RNF182: variants seen among roughly 807,000 people sequenced by gnomAD.
RNF182 encodes ring finger protein 182.
In RNF182, 15 loss-of-function variants were observed where a neutral mutation model predicts 14.4. The ratio of observed to expected loss-of-function variants is 1.04; its 90% CI spans 0.70 to 1.60. The LOEUF (loss-of-function observed/expected upper bound fraction) is 1.60. RNF182 is among the 40% of genes most tolerant of loss of function. RNF182 has a pLI of 0.00. For missense variants in RNF182, 268 were observed against 294.8 expected (o/e 0.91, Z 0.67); for synonymous variants, 128 against 122.9 (o/e 1.04, Z -0.27).
intron 1 of RNF182, among the ~76,000 whole-genome samples, chr6:13,927,934 C>T (rs1397741115): frequency 6.6e-6 from 1 of 152,148 alleles, no homozygotes; most frequent in Non-Finnish European, 1.5e-5. Flanking sequence ...AGACAAAATG[C>T]TGTAAATATC....
At chr6:13,976,150 C>A (rs1760315805) in intron 2 of RNF182, among the ~76,000 whole-genome samples, 1 of 152,186 alleles carries the variant, frequency 6.6e-6, no homozygotes, top group Non-Finnish European at 1.5e-5. Context: ...TTCTTCATGT[C>A]TAGAGACATA....
At chr6:13,940,881 A>T (rs1281904248) in intron 1 of RNF182, among the ~76,000 whole-genome samples, 1 of 152,114 alleles carries the variant, frequency 6.6e-6, no homozygotes, top group African/African-American at 2.4e-5. Flanking sequence ...AGGATATTCT[A>T]AAAATCTTTT....
intron 1 of RNF182, chr6:13,949,234 T>A (rs1376930868): frequency 1.3e-6 from 1 of 792,394 alleles, no homozygotes; most frequent in African/African-American, 1.7e-5. Context: ...CTGGACGTTT[T>A]AGTCATATTC....
chr6:13,947,211 TC>T (rs1759459353), intron 1 of RNF182, among the ~76,000 whole-genome samples: 1 of 152,116 alleles, frequency 6.6e-6, no homozygotes, highest in Admixed American at 6.5e-5. Flanking sequence ...CAGCCAGAGA[TC>T]ACTGGTTGGT....
chr6:13,960,622 G>A (rs1040399410), intron 1 of RNF182, among the ~76,000 whole-genome samples: 3 of 151,690 alleles, frequency 2.0e-5, no homozygotes, highest in Admixed American at 6.6e-5. Context: ...GGCTTTGGGA[G>A]TAATATGTAC....
intron 1 of RNF182, among the ~76,000 whole-genome samples, chr6:13,948,202 C>T (rs189664910): frequency 6.6e-6 from 1 of 152,206 alleles, no homozygotes; most frequent in East Asian, 1.9e-4. Context: ...GTTTTAATGG[C>T]ATACATTTCA....
intron 1 of RNF182, among the ~76,000 whole-genome samples, chr6:13,938,228 A>G (rs1205886532): frequency 2.1e-5 from 3 of 141,222 alleles, no homozygotes; most frequent in Non-Finnish European, 3.0e-5. Flanking sequence ...CGTGATAGCC[A>G]GGATGGTCTC....
At chr6:13,958,075 A>G (rs9476045) in intron 1 of RNF182, among the ~76,000 whole-genome samples, 176 of 151,292 alleles carry the variant, frequency 1.2e-3, no homozygotes, top group African/African-American at 4.3e-3. Flanking sequence ...TAATGTTTAT[A>G]GATTTCTTGG....
intron 2 of RNF182, among the ~76,000 whole-genome samples, chr6:13,975,613 A>G (rs958339581): frequency 2.6e-5 from 4 of 152,216 alleles, no homozygotes; most frequent in African/African-American, 9.6e-5. Flanking sequence ...AAGTCTTAAA[A>G]TGAAGATAAT....
chr6:13,938,198 T>C (rs1424177662), intron 1 of RNF182, among the ~76,000 whole-genome samples: 1 of 147,384 alleles, frequency 6.8e-6, no homozygotes, highest in Non-Finnish European at 1.5e-5. Flanking sequence ...TTTTTTTTTT[T>C]AGTAGAGACG....
At chr6:13,964,084 TAA>T (rs879651812) in intron 1 of RNF182, among the ~76,000 whole-genome samples, 10 of 138,522 alleles carry the variant, frequency 7.2e-5, no homozygotes, top group East Asian at 2.1e-4. Flanking sequence ...TTTTAAAATG[TAA>T]AAAAAAAAAA....
At chr6:13,974,692 C>A (rs1488532057) in intron 2 of RNF182, among the ~76,000 whole-genome samples, 2 of 152,188 alleles carry the variant, frequency 1.3e-5, no homozygotes, top group Non-Finnish European at 2.9e-5. Flanking sequence ...CTGTCAAATG[C>A]TGATGTTCTA....
At chr6:13,939,046 G>T (rs1373320651) in intron 1 of RNF182, among the ~76,000 whole-genome samples, 1 of 152,144 alleles carries the variant, frequency 6.6e-6, no homozygotes, top group Non-Finnish European at 1.5e-5. Context: ...TTGCACCACT[G>T]CACTCTAGCC....
chr6:13,934,489 C>T (rs141998006), intron 1 of RNF182, among the ~76,000 whole-genome samples: 64 of 152,280 alleles, frequency 4.2e-4, no homozygotes, highest in African/African-American at 1.3e-3. Flanking sequence ...TATTCTATAC[C>T]TTCGCCTATT....
rs1439848972 is a variant in RNF182, at chr6:13,980,236, ATTTTATT to A, written c.*2375_*2381del. 11 of 147,472 alleles carry A rather than the reference ATTTTATT, an allele frequency of 7.5e-5. No homozygotes were observed. The highest frequency in any genetic ancestry group is 2.8e-4 in the African/African-American group (11 of 39,138). 9.1% of individuals were successfully genotyped at this position (147,472 alleles called of 1,614,324 possible). Reference sequence around the variant, plus strand: ...ATTTTATTTTATTTTATTTTATTTTATTTTATTTATTTATTTTAAAGCAGGGGAGAAA... The same window carrying A: ...ATTTTATTTTATTTTATTTTATTTTATATTTATTTTAAAGCAGGGGAGAAA... On this transcript the variant is annotated 3_prime_UTR_variant, in exon 3 of 3. Transcript: ENST00000488300.
chr6:13,935,845 A>G (rs904964065), intron 1 of RNF182, among the ~76,000 whole-genome samples: 2 of 152,224 alleles, frequency 1.3e-5, no homozygotes, highest in Non-Finnish European at 2.9e-5. Flanking sequence ...CTATTGATAC[A>G]GTTTGATGAG....
At chr6:13,971,575 G>A (rs1760184955) in intron 1 of RNF182, among the ~76,000 whole-genome samples, 1 of 152,220 alleles carries the variant, frequency 6.6e-6, no homozygotes, top group African/African-American at 2.4e-5. Flanking sequence ...GGTTGGAACA[G>A]TTTGAAAGGC....
In RNF182 at chr6:13,977,099, A is replaced by C; in HGVS notation, c.-21A>C. On this transcript the variant is annotated 5_prime_UTR_variant, in exon 3 of 3. Coordinates refer to ENST00000488300, the MANE Select transcript of RNF182 (RefSeq NM_152737.4). ...TCTTCAACAAGACCCACCTGGCATA[A>C]GATTGCACACATAATTCAAGATGGC... is the stretch of plus-strand genomic sequence containing the variant. 3.8e-6 allele frequency: 6 copies of C among 1,599,320 alleles called. No homozygotes were observed. Among genetic ancestry groups the C allele is most frequent in the Non-Finnish European group, 5.1e-6 (6 of 1,171,460 alleles).
intron 1 of RNF182, among the ~76,000 whole-genome samples, chr6:13,956,084 C>T (rs868509813): frequency 1.1e-4 from 16 of 152,212 alleles, no homozygotes; most frequent in Middle Eastern, 3.4e-3. Flanking sequence ...CACATAATGT[C>T]GTTCAGACTT....
Sources: allele counts gnomAD v4.1 joint callset (sites outside exome capture counted in the v4.1 genomes callset), GRCh38; gene constraint gnomAD v4.1.1; transcripts MANE v1.5; gene names NCBI Gene and HGNC (gene_info 2026-07-23, HGNC 2026-07-21).